The following ELAPOR2 variants were observed in gnomAD, a reference collection of about 807,000 sequenced individuals.
ELAPOR2 encodes endosome/lysosome-associated apoptosis and autophagy regulator family member 2.
Under a neutral mutation model 120.7 loss-of-function variants are expected in ELAPOR2, and 89 were observed. The observed-to-expected ratio is 0.74, with a 90% CI of 0.62 to 0.88. The LOEUF is 0.88. ELAPOR2 is among the 40% of genes least tolerant of loss of function. ELAPOR2 has a pLI of 0.00. For synonymous variants in ELAPOR2, 444 were observed against 444.9 expected (o/e 1.00, Z 0.03); for missense variants, 1,134 against 1,251.6 (o/e 0.91, Z 1.42).
intron 1 of ELAPOR2, among the ~76,000 whole-genome samples, chr7:87,023,442 G>T (rs573083129): frequency 6.6e-6 from 1 of 152,140 alleles, no homozygotes; most frequent in African/African-American, 2.4e-5. Context: ...TTTGGTACCA[G>T]TACCATGCTG....
intron 1 of ELAPOR2, among the ~76,000 whole-genome samples, chr7:87,028,574 C>G (rs750144786): frequency 2.6e-4 from 39 of 152,116 alleles, no homozygotes; most frequent in Non-Finnish European, 4.9e-4. Context: ...AATTTCTTCT[C>G]ACCATTCCAC....
chr7:86,988,114 G>A (rs763677107), intron 1 of ELAPOR2, among the ~76,000 whole-genome samples: 6 of 152,086 alleles, frequency 3.9e-5, no homozygotes, highest in African/African-American at 7.2e-5. Context: ...ACCAAACACC[G>A]CATGTTCTCA....
At chr7:86,975,882 G>C (rs1283421185) in intron 1 of ELAPOR2, among the ~76,000 whole-genome samples, 5 of 152,150 alleles carry the variant, frequency 3.3e-5, no homozygotes, top group Non-Finnish European at 7.3e-5. Flanking sequence ...TTCTCCTTGA[G>C]CTGAAGGTGG....
rs199903997 is a variant in ELAPOR2, at chr7:86,891,791, T to A, written c.2963A>T (p.Asn988Ile). Reference sequence around the variant, plus strand: ...ATTGGAATATACAACTTCCTCTTCATTATCTTCTCCTTCCATGATAGCACA... The same window carrying A: ...ATTGGAATATACAACTTCCTCTTCAATATCTTCTCCTTCCATGATAGCACA... ...DSCAIMEGED[N>I]EEEVVYSNKQ... The change falls in exon 21 of 22, where the codon AAT becomes ATT. Residue 988 changes from asparagine to isoleucine, a missense_variant. By Grantham distance (149) the Asn-to-Ile change is moderately radical. This residue lies in a region of ELAPOR2 where 831 missense variants were observed against 867.6 expected (regional missense o/e 0.96). Transcript: ENST00000450689. The A allele has an allele frequency of 2.6e-4, 425 of 1,612,424 alleles. No homozygotes were observed. The highest frequency in any genetic ancestry group is 3.1e-4 in the Non-Finnish European group (368 of 1,178,902).
At chr7:86,919,421 T>A in intron 10 of ELAPOR2, 111 bp from the exon 11 acceptor site, 1 of 593,794 alleles carries the variant, frequency 1.7e-6, no homozygotes, top group Non-Finnish European at 2.8e-6. Flanking sequence ...TGTTCAAAGT[T>A]AGAAATGCTA....
rs776807316 is a variant in ELAPOR2 at position 86,926,786 on chromosome 7, G to A, written c.1220C>T (p.Ser407Leu). The A allele has an allele frequency of 1.2e-6, 2 of 1,611,842 alleles. No individual in the cohort carries two copies. Among genetic ancestry groups the A allele is most frequent in the Non-Finnish European group, 1.7e-6 (2 of 1,178,718 alleles). ...PCNPGFYNNGSSSCHPCPPGT... is the reference protein window; with the variant it reads ...PCNPGFYNNGLSSCHPCPPGT... ...AGGAGGACAGGGATGGCAAGAAGAT[G>A]ATCCATTGTTATAAAATCCAGGGTT... Residue 407 changes from serine to leucine, a missense_variant, in exon 9 of 22, where the codon TCA (serine) becomes TTA (leucine). By Grantham distance (145) the Ser-to-Leu change is moderately radical. This residue lies in a region of ELAPOR2 where 831 missense variants were observed against 867.6 expected (regional missense o/e 0.96). Transcript: ENST00000450689.
intron 8 of ELAPOR2, among the ~76,000 whole-genome samples, chr7:86,936,554 A>T (rs1169013782): frequency 2.6e-5 from 4 of 152,068 alleles, no homozygotes. Context: ...CACTTTTCTT[A>T]AAAAAACACT....
intron 8 of ELAPOR2, among the ~76,000 whole-genome samples, chr7:86,932,667 C>A (rs1310447315): frequency 3.3e-5 from 5 of 151,964 alleles, no homozygotes; most frequent in African/African-American, 1.2e-4. Context: ...GAGAAACTTA[C>A]TGTTTTTAAC....
At chr7:86,949,769 T>G (rs1376312416) in intron 2 of ELAPOR2, among the ~76,000 whole-genome samples, 1 of 152,182 alleles carries the variant, frequency 6.6e-6, no homozygotes, top group Non-Finnish European at 1.5e-5. Flanking sequence ...CTCCAGACTT[T>G]GGCCACCAAC....
At chr7:86,934,842 C>T (rs1365860788) in intron 8 of ELAPOR2, among the ~76,000 whole-genome samples, 3 of 152,000 alleles carry the variant, frequency 2.0e-5, no homozygotes, top group African/African-American at 2.4e-5. Context: ...TTTCCTTCCT[C>T]GCCTCCAGAC....
At chr7:87,028,672 A>T (rs934307218) in intron 1 of ELAPOR2, among the ~76,000 whole-genome samples, 2 of 152,184 alleles carry the variant, frequency 1.3e-5, no homozygotes, top group African/African-American at 4.8e-5. Context: ...CATCTCTGGC[A>T]GTCTATTTCC....
At chr7:87,048,040 TC>T (rs1407129468) in intron 1 of ELAPOR2, among the ~76,000 whole-genome samples, 2 of 151,936 alleles carry the variant, frequency 1.3e-5, no homozygotes, top group Non-Finnish European at 2.9e-5. Context: ...GGTCAAGAGA[TC>T]AAGACCATCC....
chr7:87,039,672 T>C (rs115964616), intron 1 of ELAPOR2, among the ~76,000 whole-genome samples: 2,437 of 152,318 alleles, frequency 0.016, 74 homozygotes, highest in African/African-American at 0.056. Context: ...ATCATTTCAA[T>C]TGATGCTGAA....
intron 1 of ELAPOR2, among the ~76,000 whole-genome samples, chr7:87,024,378 A>G (rs1339478207): frequency 6.6e-6 from 1 of 152,040 alleles, no homozygotes; most frequent in Non-Finnish European, 1.5e-5. Context: ...ATTGATTTGC[A>G]TATATTGAAC....
chr7:87,008,990 T>C (rs1793571354), intron 1 of ELAPOR2, among the ~76,000 whole-genome samples: 1 of 152,164 alleles, frequency 6.6e-6, no homozygotes, highest in African/African-American at 2.4e-5. Context: ...GAAACAGTTG[T>C]ACACTGGATT....
At chr7:87,018,010 A>T (rs748585769) in intron 1 of ELAPOR2, among the ~76,000 whole-genome samples, 12 of 152,172 alleles carry the variant, frequency 7.9e-5, no homozygotes, top group Non-Finnish European at 1.6e-4. Flanking sequence ...TCCATTTCAC[A>T]CTGGCAGAAA....
intron 1 of ELAPOR2, among the ~76,000 whole-genome samples, chr7:86,975,817 C>G (rs551907876): frequency 9.2e-5 from 14 of 152,340 alleles, no homozygotes; most frequent in African/African-American, 3.1e-4. Flanking sequence ...AAAGTCAAAA[C>G]TTTCTAACAG....
chr7:86,957,137 C>T (rs1374361138), intron 2 of ELAPOR2, among the ~76,000 whole-genome samples: 1 of 152,182 alleles, frequency 6.6e-6, no homozygotes. Flanking sequence ...ATCTCATCTC[C>T]CAATCTGATT....
At chr7:86,916,766 C>G (rs1160271795) in intron 12 of ELAPOR2, among the ~76,000 whole-genome samples, 1 of 151,848 alleles carries the variant, frequency 6.6e-6, no homozygotes, top group Non-Finnish European at 1.5e-5. Flanking sequence ...TAAAAAGCAC[C>G]AAGGGAAGGG....
Sources: gnomAD v4.1 joint callset for allele counts (sites outside exome capture counted in the v4.1 genomes callset) on GRCh38, gnomAD v4.1.1 for gene constraint, gnomAD v4.1.1 regional missense constraint, MANE v1.5 for transcripts, NCBI Gene and HGNC (gene_info 2026-07-23, HGNC 2026-07-21) for gene names.